The following PCDHGA4 variants were observed in gnomAD, a reference collection of about 807,000 sequenced individuals.
PCDHGA4 encodes protocadherin gamma-A4.
PCDHGA4 carries 38 observed loss-of-function variants against 54.6 expected under a neutral mutation model. The ratio of observed to expected loss-of-function variants is 0.70; its 90% CI spans 0.54 to 0.91. The LOEUF (loss-of-function observed/expected upper bound fraction) is 0.91, where lower values mean the gene tolerates loss of function less well. Among genes scored for constraint, PCDHGA4 ranks in the 40% least tolerant of loss-of-function variants. PCDHGA4 has a pLI of 0.00. For missense variants in PCDHGA4, 1,298 were observed against 1,220.9 expected (o/e 1.06, Z -0.94); for synonymous variants, 511 against 512.9 (o/e 1.00, Z 0.05).
chr5:141,489,660 G>A lies in PCDHGA4; in HGVS notation c.2515-5147G>A, dbSNP rs763985085. 3 of 1,614,096 alleles carry A rather than the reference G, an allele frequency of 1.9e-6. No individual in the cohort carries two copies. Among genetic ancestry groups the A allele is most frequent in the Non-Finnish European group, 2.5e-6 (3 of 1,180,036 alleles). On this transcript the variant is annotated intron_variant, in intron 1 of 3. Coordinates refer to ENST00000571252, the MANE Select transcript of PCDHGA4 (RefSeq NM_018917.4). The surrounding 1 kb of genome is among the most constrained non-coding windows in gnomAD (Gnocchi z 4.5). Reference sequence around the variant, plus strand: ...GCTTTGCCACCCCTGAGCGAGAGATGCGCATCTCAGAATCAGCAGCATCTG... The same window carrying A: ...GCTTTGCCACCCCTGAGCGAGAGATACGCATCTCAGAATCAGCAGCATCTG...
At chr5:141,409,448 C>T in intron 1 of PCDHGA4, 1 of 1,613,546 alleles carries the variant, frequency 6.2e-7, no homozygotes, top group Non-Finnish European at 8.5e-7. Context: ...AGAGCAGACA[C>T]CAGAATACAA....
intron 1 of PCDHGA4, chr5:141,400,199 C>G (rs1561675523): frequency 2.5e-6 from 4 of 1,614,048 alleles, no homozygotes; most frequent in Admixed American, 1.7e-5. Flanking sequence ...CTAGTGGTGG[C>G]CTTGGCCTTG....
At chr5:141,400,766 C>T in intron 1 of PCDHGA4, 1 of 577,074 alleles carries the variant, frequency 1.7e-6, no homozygotes, top group South Asian at 2.3e-5. Context: ...CTAGCAAAAA[C>T]ATTTGGTGCG....
At chr5:141,402,202 A>G (rs1223519214) in intron 1 of PCDHGA4, among the ~76,000 whole-genome samples, 1 of 152,138 alleles carries the variant, frequency 6.6e-6, no homozygotes. Flanking sequence ...CTTTTATAAT[A>G]CAAAAATTTA....
At chr5:141,496,808 G>A (rs1387209844) in intron 2 of PCDHGA4, among the ~76,000 whole-genome samples, 3 of 151,736 alleles carry the variant, frequency 2.0e-5, no homozygotes, top group South Asian at 4.2e-4. Flanking sequence ...GGCTATAGGA[G>A]TGAACAAGTA....
chr5:141,373,720 C>T (rs1769798008), intron 1 of PCDHGA4, among the ~76,000 whole-genome samples: 1 of 152,328 alleles, frequency 6.6e-6, no homozygotes, highest in East Asian at 1.9e-4. Flanking sequence ...ATCTCTTACA[C>T]TCTTCTAAAT....
chr5:141,408,699 CAATT>C (rs778787749), intron 1 of PCDHGA4: 9 of 1,613,534 alleles, frequency 5.6e-6, no homozygotes, highest in Non-Finnish European at 6.8e-6. Flanking sequence ...AACATAAACT[CAATT>C]AAAGATTATA....
chr5:141,388,706 T>C (rs1189291267), intron 1 of PCDHGA4: 2 of 1,613,856 alleles, frequency 1.2e-6, no homozygotes, highest in African/African-American at 2.7e-5. Flanking sequence ...AGGGTGTCAA[T>C]GCCGAGATTA....
Position 141,485,804 on chromosome 5 carries a change from G to A in PCDHGA4, c.2515-9003G>A. 6.2e-7 allele frequency: 1 copy of A among 1,614,218 alleles called. No individual in the cohort carries two copies. On this transcript the variant is annotated intron_variant, in intron 1 of 3. Coordinates refer to ENST00000571252, the MANE Select transcript of PCDHGA4 (RefSeq NM_018917.4). This position sits in a 1 kb window ranked among gnomAD's most constrained non-coding sequence, Gnocchi z 5.7. The stretch of plus-strand genomic sequence containing the variant: ...AGAGAAGCAATCGGACTACCGCCTG[G>A]TGCTGACTGCTGTCGATGGAGGGAA...
chr5:141,377,234 A>G (rs930126053), intron 1 of PCDHGA4: 14 of 152,160 alleles, frequency 9.2e-5, no homozygotes, highest in African/African-American at 3.1e-4. Flanking sequence ...TTTTCCTACT[A>G]TGTGACATTT....
chr5:141,509,839 T>C (rs1277859334), intron 3 of PCDHGA4, among the ~76,000 whole-genome samples: 4 of 152,162 alleles, frequency 2.6e-5, no homozygotes, highest in Non-Finnish European at 5.9e-5. Context: ...CTACCTCCCA[T>C]TCACTCAGAA....
chr5:141,397,909 T>G lies in PCDHGA4; in HGVS notation c.2514+40288T>G, dbSNP rs1004406261. On this transcript the variant is annotated intron_variant, in intron 1 of 3. Coordinates refer to ENST00000571252, the MANE Select transcript of PCDHGA4 (RefSeq NM_018917.4). Reference sequence around the variant, plus strand: ...TTGGCCAAAGTGCAGAGCTTGGCGCTCCAGATCTCCTCGCGCAGCCGCAGC... The same window carrying G: ...TTGGCCAAAGTGCAGAGCTTGGCGCGCCAGATCTCCTCGCGCAGCCGCAGC... 114 of 677,396 alleles carry G rather than the reference T, an allele frequency of 1.7e-4. No individual in the cohort carries two copies. In the East Asian group the frequency reaches 2.8e-3, roughly 17 times the overall value. The allele number at this position is 677,396 out of a possible 1,614,324, so 42.0% of individuals were successfully genotyped here. A position where few individuals can be genotyped will look rare whatever the true frequency, so the allele number is the denominator to read the frequency against.
chr5:141,390,101 CA>C (rs1212774339), intron 1 of PCDHGA4: 8 of 1,613,946 alleles, frequency 5.0e-6, no homozygotes, highest in Non-Finnish European at 6.8e-6. Flanking sequence ...TGGTTCCCCC[CA>C]ACTACAGCGA....
chr5:141,415,315 G>T (rs201784236), intron 1 of PCDHGA4: 14 of 1,614,208 alleles, frequency 8.7e-6, no homozygotes, highest in African/African-American at 4.0e-5. Context: ...CTTCGTCATC[G>T]TGCTGCTGGC....
intron 1 of PCDHGA4, chr5:141,359,958 AG>A (rs1446776013): frequency 1.7e-6 from 1 of 585,260 alleles, no homozygotes; most frequent in African/African-American, 1.9e-5. Flanking sequence ...AAAAGAACGA[AG>A]AGAAGCGTTT....
chr5:141,505,324 G>A, intron 2 of PCDHGA4, 69 bp from the exon 3 acceptor site: 2 of 1,607,104 alleles, frequency 1.2e-6, no homozygotes, highest in African/African-American at 1.3e-5. Context: ...GGAGCCCTGG[G>A]AGAGGACAGG....
At chr5:141,460,817 A>G (rs527681610) in intron 1 of PCDHGA4, among the ~76,000 whole-genome samples, 3 of 152,126 alleles carry the variant, frequency 2.0e-5, no homozygotes, top group South Asian at 2.1e-4. Context: ...ATGTATACAT[A>G]TATACACACT....
intron 1 of PCDHGA4, chr5:141,364,199 C>A: frequency 9.0e-7 from 1 of 1,116,560 alleles, no homozygotes; most frequent in Non-Finnish European, 1.2e-6. Context: ...ACACACAGAC[C>A]AGACAAGCTC....
In PCDHGA4 at chr5:141,477,602, C is replaced by G. The variant is rs772296229; in HGVS notation, c.2515-17205C>G. ...GCAGAATGCTCGGCTTTCTTTCTTT[C>G]TCTTGGAGCAAGGAGCTGAAACCGG... On this transcript the variant is annotated intron_variant, in intron 1 of 3. Coordinates refer to ENST00000571252, the MANE Select transcript of PCDHGA4 (RefSeq NM_018917.4). This position sits in a 1 kb window ranked among gnomAD's most constrained non-coding sequence, Gnocchi z 4.9. 6.2e-7 allele frequency: 1 copy of G among 1,614,098 alleles called. No homozygotes were observed. Among genetic ancestry groups the G allele is most frequent in the East Asian group, 2.2e-5 (1 of 44,898 alleles).
Sources: allele counts gnomAD v4.1 joint callset (sites outside exome capture counted in the v4.1 genomes callset), GRCh38; gene constraint gnomAD v4.1.1; non-coding constraint Gnocchi (gnomAD v3.1); transcripts MANE v1.5; gene names NCBI Gene and HGNC (gene_info 2026-07-23, HGNC 2026-07-21).